Variants in TMEM63B observed in about 807,000 individuals in gnomAD.
The protein encoded by TMEM63B is transmembrane protein 63B, also known as mechanosensitive cation channel TMEM63B.
A neutral mutation model predicts 102.6 loss-of-function variants in TMEM63B; 23 were observed. The ratio of observed to expected loss-of-function variants is 0.22; its 90% CI spans 0.16 to 0.32. The LOEUF (loss-of-function observed/expected upper bound fraction) is 0.32, where lower values mean the gene tolerates loss of function less well. Among genes scored for constraint, TMEM63B ranks in the 10% least tolerant of loss-of-function variants. The pLI is 1.00. For synonymous variants in TMEM63B, 444 were observed against 437.0 expected (o/e 1.02, Z -0.20); for missense variants, 628 against 1,095.9 (o/e 0.57, Z 6.03).
intron 1 of TMEM63B, among the ~76,000 whole-genome samples, chr6:44,129,110 A>G (rs1449415526): frequency 6.6e-6 from 1 of 152,194 alleles, no homozygotes; most frequent in African/African-American, 2.4e-5. Context: ...GTTTATGCCT[A>G]TAATTCCAGC....
intron 15 of TMEM63B, among the ~76,000 whole-genome samples, chr6:44,149,424 TGAA>T (rs1311546301): frequency 1.3e-5 from 2 of 152,170 alleles, no homozygotes; most frequent in East Asian, 3.9e-4. Flanking sequence ...CCTCAGAGTT[TGAA>T]GAAGGACAGT....
Position 44,148,805 on chromosome 6 carries a change from A to G in TMEM63B, c.1273A>G (p.Ile425Val). Reference sequence around the variant, plus strand: ...CCACCTTGCCAGGGAGCACCTCTCCATCCGAGGCTTCATCTGGTGGCTGCG... The same window carrying G: ...CCACCTTGCCAGGGAGCACCTCTCCGTCCGAGGCTTCATCTGGTGGCTGCG... ...PQNIYWEHLSIRGFIWWLRCL... is the reference protein window; with the variant it reads ...PQNIYWEHLSVRGFIWWLRCL... Residue 425 changes from isoleucine to valine, a missense_variant, in exon 15 of 24, where the codon ATC (isoleucine) becomes GTC (valine). Ile to Val is a conservative substitution (Grantham distance 29). Around this residue, in one of 6 missense-constraint regions of TMEM63B, gnomAD observed 336 missense variants for 580.3 expected, o/e 0.58. Transcript: ENST00000323267. This position sits in a 1 kb window ranked among gnomAD's most constrained non-coding sequence, Gnocchi z 5.1. The G allele has an allele frequency of 1.2e-6, 2 of 1,614,098 alleles. No homozygotes were observed. Among genetic ancestry groups the G allele is most frequent in the Admixed American group, 1.7e-5 (1 of 60,020 alleles).
At chr6:44,131,937 C>T (rs1762035263) in intron 1 of TMEM63B, among the ~76,000 whole-genome samples, 1 of 152,250 alleles carries the variant, frequency 6.6e-6, no homozygotes, top group Non-Finnish European at 1.5e-5. Context: ...ACTGCCACCT[C>T]CCATCCCCAA....
chr6:44,133,539 T>C (rs9462964), intron 1 of TMEM63B, among the ~76,000 whole-genome samples: 92,248 of 152,080 alleles, frequency 0.61, 29,218 homozygotes, highest in East Asian at 0.82. Flanking sequence ...GCTGCATCTG[T>C]TGAGGCCACA....
Position 44,150,388 on chromosome 6 carries a change from A to T in TMEM63B, c.1607+78A>T. ...GAGAGGAGAGCAGTTCAGCCTCCCT[A>T]CCTCCCCTACAAAGCAAGGGGCCCA... On this transcript the variant is annotated intron_variant, in intron 17 of 23. Transcript: ENST00000323267. This position sits in a 1 kb window ranked among gnomAD's most constrained non-coding sequence, Gnocchi z 4.7. The T allele has an allele frequency of 6.7e-7, 1 of 1,501,716 alleles. No individual in the cohort carries two copies. Among genetic ancestry groups the T allele is most frequent in the East Asian group, 2.3e-5 (1 of 44,262 alleles). 93.0% of individuals were successfully genotyped at this position (1,501,716 alleles called of 1,614,324 possible).
At chr6:44,141,138 G>T (rs369979589) in intron 10 of TMEM63B, 40 bp downstream of exon 10, 90 of 1,595,792 alleles carry the variant, frequency 5.6e-5, no homozygotes, top group Non-Finnish European at 7.6e-5. Context: ...AAGCCCTGCT[G>T]CAGAGCCTTC....
upstream of TMEM63B, chr6:44,126,961 G>C (rs1777150301): frequency 6.6e-6 from 1 of 152,326 alleles, no homozygotes; most frequent in Non-Finnish European, 1.5e-5. Flanking sequence ...AGTTGGGAAA[G>C]GGGAGGGGAG....
intron 6 of TMEM63B, chr6:44,138,929 C>G (rs181110315): frequency 3.7e-6 from 1 of 269,046 alleles, no homozygotes; most frequent in Non-Finnish European, 7.3e-6. Context: ...GAAGCCAGGA[C>G]AGGTCAGCAC....
In TMEM63B at chr6:44,150,545, C is replaced by G; in HGVS notation, c.1608-19C>G. 1 of 1,614,012 alleles carries G rather than the reference C, an allele frequency of 6.2e-7. No homozygotes were observed. Among genetic ancestry groups the G allele is most frequent in the Non-Finnish European group, 8.5e-7 (1 of 1,179,926 alleles). ...TACCACTCCAGCTCCCACCCCATCT[C>G]TCCTCTGCTTCCCTCCAGCCTGGAC... On this transcript the variant is annotated intron_variant, in intron 17 of 23. Transcript: ENST00000323267. The surrounding 1 kb of genome is among the most constrained non-coding windows in gnomAD (Gnocchi z 4.7).
intron 20 of TMEM63B, among the ~76,000 whole-genome samples, chr6:44,153,155 G>T (rs188409149): frequency 1.1e-4 from 17 of 152,310 alleles, no homozygotes; most frequent in Non-Finnish European, 2.2e-4. Context: ...ATGTGACTTG[G>T]CCAGGTCTCT....
chr6:44,136,933 T>C (rs1763085540), intron 5 of TMEM63B, among the ~76,000 whole-genome samples: 1 of 152,136 alleles, frequency 6.6e-6, no homozygotes, highest in South Asian at 2.1e-4. Context: ...TAGTCCCAGC[T>C]ACTTGGGAGG....
chr6:44,138,968 C>A, intron 6 of TMEM63B: 2 of 250,792 alleles, frequency 8.0e-6, no homozygotes, highest in Non-Finnish European at 1.6e-5. Context: ...AGGCCTCCCC[C>A]AAGGGTACCC....
At chr6:44,135,275 T>A in intron 3 of TMEM63B, 53 bp from the exon 4 acceptor site, 1 of 1,592,452 alleles carries the variant, frequency 6.3e-7, no homozygotes, top group Non-Finnish European at 8.6e-7. Flanking sequence ...TCCTCACCTG[T>A]CCCCAGGGAC....
intron 1 of TMEM63B, among the ~76,000 whole-genome samples, chr6:44,130,493 C>T (rs1286519141): frequency 6.6e-6 from 1 of 150,850 alleles, no homozygotes; most frequent in African/African-American, 2.4e-5. Flanking sequence ...GGATGGAGTG[C>T]AGTGGCATGA....
Position 44,154,982 on chromosome 6 carries a change from C to T in TMEM63B, c.*99C>T. The T allele has an allele frequency of 1.7e-6, 2 of 1,147,374 alleles. No homozygotes were observed. The highest frequency in any genetic ancestry group is 2.4e-6 in the Non-Finnish European group (2 of 845,354). The allele number at this position is 1,147,374 out of a possible 1,614,324, so 71.1% of individuals were successfully genotyped here. A position where few individuals can be genotyped will look rare whatever the true frequency, so the allele number is the denominator to read the frequency against. ...AATTTATTAGATCTAAAGCCCCTTC[C>T]TCCCCAGCCCCTGCTTTCATTAAGG... On this transcript the variant is annotated 3_prime_UTR_variant, in exon 24 of 24. Transcript: ENST00000323267.
chr6:44,149,897 G>A lies in TMEM63B; in HGVS notation c.1452G>A (p.Leu484=), dbSNP rs767481148. 27 of 1,613,362 alleles carry A rather than the reference G, an allele frequency of 1.7e-5. No homozygotes were observed. The South Asian group carries it at 2.5e-4, about 15-fold the overall frequency. ...CCCAGTTCTTCCCCACCCTGCTGCTGTGGTGCTTCTCGGCCCTCCTTCCCA... is the reference window on the plus strand; with the variant it reads ...CCCAGTTCTTCCCCACCCTGCTGCTATGGTGCTTCTCGGCCCTCCTTCCCA... ...IITQFFPTLL[L]WCFSALLPTI... is the part of the protein sequence containing the mutation. Residue 484 remains leucine (L), a synonymous_variant, in exon 16 of 24, where the codon CTG becomes CTA. Transcript: ENST00000323267.
chr6:44,138,641 T>G, intron 6 of TMEM63B, 124 bp downstream of exon 6: 2 of 1,131,252 alleles, frequency 1.8e-6, no homozygotes, highest in East Asian at 2.5e-5. Flanking sequence ...AGCACCCTCC[T>G]CCCTGCTCTC....
At chr6:44,134,800 A>G (rs1396592283) in intron 2 of TMEM63B, 57 bp downstream of exon 2, 11 of 1,581,034 alleles carry the variant, frequency 7.0e-6, no homozygotes, top group Middle Eastern at 1.7e-4. Context: ...ACACCTGGCA[A>G]ACACTTCCAG....
intron 10 of TMEM63B, among the ~76,000 whole-genome samples, chr6:44,141,983 G>A (rs1357560089): frequency 6.6e-6 from 1 of 151,976 alleles, no homozygotes; most frequent in African/African-American, 2.4e-5. Flanking sequence ...TTAGCCAGGT[G>A]TGGTGGCGTG....
Sources: allele counts gnomAD v4.1 joint callset (sites outside exome capture counted in the v4.1 genomes callset), GRCh38; gene constraint gnomAD v4.1.1; regional missense constraint gnomAD v4.1.1; non-coding constraint Gnocchi (gnomAD v3.1); transcripts MANE v1.5; gene names NCBI Gene and HGNC (gene_info 2026-07-23, HGNC 2026-07-21).